NFX1: variants seen among roughly 807,000 people sequenced by gnomAD.
NFX1 encodes the protein transcriptional repressor NF-X1.
In NFX1, 69 loss-of-function variants were observed where a neutral mutation model predicts 137.2. The observed-to-expected ratio is 0.50, with a 90% CI of 0.41 to 0.61. NFX1 has a LOEUF of 0.61. NFX1 is among the 20% of genes least tolerant of loss of function. The pLI is 0.00. For missense variants in NFX1, 1,167 were observed against 1,391.0 expected (o/e 0.84, Z 2.56); for synonymous variants, 495 against 474.1 (o/e 1.04, Z -0.57).
At chr9:33,290,692 GAGTAGC>G (rs1281283027) in intron 1 of NFX1, 95 bp downstream of exon 1, 1 of 1,210,548 alleles carries the variant, frequency 8.3e-7, no homozygotes, top group African/African-American at 1.5e-5. Context: ...CATATCGCGA[GAGTAGC>G]ACATGCTAGG....
intron 4 of NFX1, among the ~76,000 whole-genome samples, chr9:33,305,280 G>A (rs1821712592): frequency 1.3e-5 from 2 of 152,194 alleles, no homozygotes; most frequent in African/African-American, 4.8e-5. Flanking sequence ...CCTTCTTGGA[G>A]GAGGTAGAAT....
At chr9:33,345,624 G>A (rs1399851386) in intron 14 of NFX1, among the ~76,000 whole-genome samples, 1 of 152,168 alleles carries the variant, frequency 6.6e-6, no homozygotes, top group Admixed American at 6.6e-5. Flanking sequence ...ATGTAAAAGT[G>A]GGATCCTACT....
chr9:33,341,191 A>G (rs537807649), intron 12 of NFX1, among the ~76,000 whole-genome samples: 7 of 152,312 alleles, frequency 4.6e-5, no homozygotes, highest in African/African-American at 1.7e-4. Context: ...TACAGTTCCA[A>G]GTGGCTGGGG....
intron 22 of NFX1, 44 bp from the exon 23 acceptor site, chr9:33,367,471 A>G (rs1824200813): frequency 1.3e-6 from 2 of 1,599,438 alleles, no homozygotes; most frequent in Non-Finnish European, 1.7e-6. Context: ...CATCTCCACA[A>G]ACAATTCTCA....
At chr9:33,363,967 C>T in intron 19 of NFX1, 43 bp from the exon 20 acceptor site, 1 of 1,369,106 alleles carries the variant, frequency 7.3e-7, no homozygotes, top group Non-Finnish European at 1.0e-6. Flanking sequence ...AAGATAGTTT[C>T]CCTCCCACTC....
At chr9:33,328,191 T>A (rs945824037) in intron 9 of NFX1, among the ~76,000 whole-genome samples, 2 of 150,848 alleles carry the variant, frequency 1.3e-5, no homozygotes, top group African/African-American at 4.9e-5. Flanking sequence ...CTTGTTTTTG[T>A]GCTTTTTTTT....
intron 17 of NFX1, among the ~76,000 whole-genome samples, chr9:33,353,286 G>A (rs1823705313): frequency 2.0e-5 from 3 of 152,232 alleles, no homozygotes; most frequent in African/African-American, 4.8e-5. Context: ...GACACAGCCA[G>A]GGCTAAGCTC....
rs149728466 is a variant in NFX1 at position 33,307,024 on chromosome 9, G to C, written c.1271-170G>C. Among the ~76,000 whole-genome samples the C allele has an allele frequency of 6.5e-4, 99 of 152,276 alleles. 1 individual carries two copies. The East Asian group carries it at 0.015, about 23-fold the overall frequency. Reference sequence around the variant, plus strand: ...TATCATACTCAGTGAAACTTTTTATGAATAGCATTATATTTATCTTTTTAT... The same window carrying C: ...TATCATACTCAGTGAAACTTTTTATCAATAGCATTATATTTATCTTTTTAT... On this transcript the variant is annotated intron_variant, in intron 4 of 23. Transcript: ENST00000379540.
chr9:33,317,698 G>A (rs573364300), intron 7 of NFX1, among the ~76,000 whole-genome samples: 9 of 151,522 alleles, frequency 5.9e-5, no homozygotes, highest in East Asian at 1.9e-4. Context: ...AATTATGGCC[G>A]GGCGTGGTGG....
At chr9:33,367,444 G>C in intron 22 of NFX1, 71 bp from the exon 23 acceptor site, 1 of 1,519,736 alleles carries the variant, frequency 6.6e-7, no homozygotes, top group South Asian at 1.1e-5. Context: ...CAAGGGCTGA[G>C]TTTCTAGCTT....
At chr9:33,326,909 TG>T (rs1822615176) in intron 9 of NFX1, among the ~76,000 whole-genome samples, 1 of 152,220 alleles carries the variant, frequency 6.6e-6, no homozygotes, top group South Asian at 2.1e-4. Context: ...TGTATCTTAC[TG>T]GAGTTAGTAT....
At chr9:33,309,090 G>T (rs1338644700) in intron 5 of NFX1, among the ~76,000 whole-genome samples, 2 of 152,178 alleles carry the variant, frequency 1.3e-5, no homozygotes, top group Non-Finnish European at 2.9e-5. Context: ...GGGCGCGGTG[G>T]CTCATGCCTG....
At chr9:33,312,133 G>A (rs1458183379) in intron 6 of NFX1, among the ~76,000 whole-genome samples, 3 of 152,224 alleles carry the variant, frequency 2.0e-5, no homozygotes, top group African/African-American at 7.2e-5. Context: ...CACAGGATGA[G>A]ATGAATCATG....
chr9:33,317,419 C>CAAAAAAAAA (rs761378780), intron 7 of NFX1, among the ~76,000 whole-genome samples: 28 of 53,856 alleles, frequency 5.2e-4, no homozygotes, highest in African/African-American at 6.6e-4. Flanking sequence ...GCCCTGTCTC[C>CAAAAAAAAA]AAAAAAAAAA....
chr9:33,332,210 G>A (rs565979063), intron 10 of NFX1, among the ~76,000 whole-genome samples: 4 of 152,228 alleles, frequency 2.6e-5, no homozygotes, highest in African/African-American at 9.6e-5. Flanking sequence ...TTAGTCTACT[G>A]TGAATTTGGA....
chr9:33,367,960 G>A (rs1276385893), intron 23 of NFX1, among the ~76,000 whole-genome samples: 3 of 152,212 alleles, frequency 2.0e-5, no homozygotes, highest in African/African-American at 2.4e-5. Context: ...TGGGCCGGGC[G>A]CGGTGGCTCA....
At chr9:33,336,824 G>T (rs2080345221) in intron 11 of NFX1, among the ~76,000 whole-genome samples, 1 of 152,016 alleles carries the variant, frequency 6.6e-6, no homozygotes, top group Non-Finnish European at 1.5e-5. Context: ...TTCCAGGGCT[G>T]GGCGCAGTAG....
chr9:33,330,608 T>C (rs1016425328), intron 10 of NFX1, among the ~76,000 whole-genome samples: 5 of 152,188 alleles, frequency 3.3e-5, no homozygotes, highest in African/African-American at 9.6e-5. Flanking sequence ...GACTGAAAAT[T>C]GTAAGCAGGG....
chr9:33,362,406 T>C (rs904097238), intron 19 of NFX1, among the ~76,000 whole-genome samples: 7 of 152,036 alleles, frequency 4.6e-5, no homozygotes, highest in Non-Finnish European at 7.4e-5. Flanking sequence ...ATGGGGTATA[T>C]ATACAGAATG....
Sources: gnomAD v4.1 joint callset for allele counts (sites outside exome capture counted in the v4.1 genomes callset) on GRCh38, gnomAD v4.1.1 for gene constraint, MANE v1.5 for transcripts, NCBI Gene and HGNC (gene_info 2026-07-23, HGNC 2026-07-21) for gene names.